FBLIM1: variants seen among roughly 807,000 people sequenced by gnomAD.
The protein encoded by FBLIM1 is filamin binding LIM protein 1, also known as filamin-binding LIM protein 1.
FBLIM1 carries 29 observed loss-of-function variants against 37.4 expected under a neutral mutation model. The ratio of observed to expected loss-of-function variants is 0.77; its 90% CI spans 0.58 to 1.06. The LOEUF (loss-of-function observed/expected upper bound fraction) is 1.06, where lower values mean the gene tolerates loss of function less well. Among genes scored for constraint, FBLIM1 ranks in the 50% least tolerant of loss-of-function variants. The probability of loss-of-function intolerance (pLI) is 0.00; values close to 1 mark genes in which losing one functional copy is unlikely to be tolerated. For missense variants in FBLIM1, 449 were observed against 505.6 expected (o/e 0.89, Z 1.07); for synonymous variants, 193 against 199.0 (o/e 0.97, Z 0.25).
rs768133106 is a variant in FBLIM1 at position 15,765,266 on chromosome 1, G to A, written c.250+33G>A. The A allele has an allele frequency of 8.9e-6, 14 of 1,578,770 alleles. No individual in the cohort carries two copies. The highest frequency in any genetic ancestry group is 5.4e-5 in the Admixed American group (3 of 55,686). On this transcript the variant is annotated intron_variant, in intron 3 of 8. Transcript: ENST00000375766. This position sits in a 1 kb window ranked among gnomAD's most constrained non-coding sequence, Gnocchi z 5.9. Reference sequence around the variant, plus strand: ...CTGAGGGGACTTTGGGGAAGACCACGTCAGAGGCAGAGGTGGGGAGGAAAG... The same window carrying A: ...CTGAGGGGACTTTGGGGAAGACCACATCAGAGGCAGAGGTGGGGAGGAAAG...
At chr1:15,782,923 G>A (rs1258352716) in intron 8 of FBLIM1, among the ~76,000 whole-genome samples, 1 of 151,356 alleles carries the variant, frequency 6.6e-6, no homozygotes, top group Non-Finnish European at 1.5e-5. Flanking sequence ...AGCCTCATGA[G>A]TAGCTGGGAT....
chr1:15,769,908 C>T (rs1207787478), intron 5 of FBLIM1, among the ~76,000 whole-genome samples: 1 of 151,982 alleles, frequency 6.6e-6, no homozygotes, highest in Non-Finnish European at 1.5e-5. Flanking sequence ...GCTGAGATTA[C>T]AGGTGTGAGC....
In FBLIM1 at chr1:15,765,216, T is replaced by C. The variant is rs779005368; in HGVS notation, c.233T>C (p.Met78Thr). 5.6e-6 allele frequency: 9 copies of C among 1,612,562 alleles called. No individual in the cohort carries two copies. The African/African-American group carries it at 8.0e-5, about 14-fold the overall frequency. The change falls in exon 3 of 9, where the codon ATG becomes ACG. Residue 78 changes from methionine to threonine, a missense_variant. Transcript: ENST00000375766. This position sits in a 1 kb window ranked among gnomAD's most constrained non-coding sequence, Gnocchi z 5.9. ...RAAATVPAAP[M>T]QLFNGGCPPP... Reference sequence around the variant, plus strand: ...GCAGCCACAGTGCCGGCTGCACCTATGCAGCTCTTCAATGGAGGTAAGAGC... The same window carrying C: ...GCAGCCACAGTGCCGGCTGCACCTACGCAGCTCTTCAATGGAGGTAAGAGC...
upstream of FBLIM1, among the ~76,000 whole-genome samples, chr1:15,757,025 AG>A (rs1370670519): frequency 1.1e-4 from 17 of 152,262 alleles, no homozygotes; most frequent in Admixed American, 6.5e-5. The surrounding 1 kb of genome is among the most constrained non-coding windows in gnomAD (Gnocchi z 4.1). Context: ...TCCTCCTTTG[AG>A]TCCTTCCCGT....
At chr1:15,780,528 T>C (rs1569872395) in intron 8 of FBLIM1, among the ~76,000 whole-genome samples, 2 of 152,316 alleles carry the variant, frequency 1.3e-5, no homozygotes, top group East Asian at 3.9e-4. Flanking sequence ...GGGCCCCACA[T>C]TTTTATTTTG....
rs777144833 is a variant in FBLIM1, at chr1:15,765,057, C to T, written c.74C>T (p.Ala25Val). ...CTGGCACCCCCGCGCCGCGATGTGG[C>T]CGTGGCGGAGGAAGTGAGGCAGGCA... Reference protein sequence around the residue: ...ITLAPPRRDVAVAEEVRQAVC... With the variant: ...ITLAPPRRDVVVAEEVRQAVC... Residue 25 changes from alanine (A) to valine (V), a missense_variant, in exon 3 of 9, where the codon GCC (alanine) becomes GTC (valine). Coordinates refer to ENST00000375766, the MANE Select transcript of FBLIM1 (RefSeq NM_017556.4). The surrounding 1 kb of genome is among the most constrained non-coding windows in gnomAD (Gnocchi z 5.9). The T allele has an allele frequency of 6.2e-7, 1 of 1,614,112 alleles. No homozygotes were observed. Among genetic ancestry groups the T allele is most frequent in the South Asian group, 1.1e-5 (1 of 91,070 alleles).
intron 1 of FBLIM1, among the ~76,000 whole-genome samples, chr1:15,763,907 G>A (rs2068797021): frequency 6.6e-6 from 1 of 152,084 alleles, no homozygotes; most frequent in South Asian, 2.1e-4. Context: ...CCAAAATGCT[G>A]GGATTACAGC....
At chr1:15,772,164 A>G (rs1467551971) in intron 6 of FBLIM1, among the ~76,000 whole-genome samples, 1 of 152,124 alleles carries the variant, frequency 6.6e-6, no homozygotes, top group African/African-American at 2.4e-5. Context: ...GTCTCAAGTG[A>G]TTCTCATGCA....
upstream of FBLIM1, among the ~76,000 whole-genome samples, chr1:15,757,064 TCTC>T (rs945849166): frequency 1.5e-4 from 23 of 152,084 alleles, no homozygotes; most frequent in Non-Finnish European, 3.2e-4. This position sits in a 1 kb window ranked among gnomAD's most constrained non-coding sequence, Gnocchi z 4.1. Context: ...TATGGGGAAG[TCTC>T]CTCCAAAGGG....
chr1:15,783,073 C>T (rs925338249), intron 8 of FBLIM1, among the ~76,000 whole-genome samples: 1 of 152,060 alleles, frequency 6.6e-6, no homozygotes, highest in South Asian at 2.1e-4. Flanking sequence ...GGCTTACAGG[C>T]GTGAGCCACT....
rs1409290351 is a variant in FBLIM1, at chr1:15,777,275, C to G, written c.996C>G (p.Cys332Trp). 6.2e-7 allele frequency: 1 copy of G among 1,612,430 alleles called. No homozygotes were observed. The highest frequency in any genetic ancestry group is 1.7e-5 in the Admixed American group (1 of 59,940). ...ECMGRNFHEN[C>W]YRCEDCRILL... ...TGGGAAGAAACTTCCATGAAAATTG[C>G]TACAGGTGTGAGGTGAGTGGAGCCT... The change falls in exon 8 of 9, where the codon TGC (cysteine) becomes TGG (tryptophan). Residue 332 changes from cysteine to tryptophan, a missense_variant. Coordinates refer to ENST00000375766, the MANE Select transcript of FBLIM1 (RefSeq NM_017556.4).
chr1:15,763,576 C>A (rs575116264), intron 1 of FBLIM1, among the ~76,000 whole-genome samples: 1 of 149,946 alleles, frequency 6.7e-6, no homozygotes, highest in Non-Finnish European at 1.5e-5. Context: ...GTGGAGCTTG[C>A]AGTGAGCCAA....
chr1:15,780,689 G>C (rs1336919568), intron 8 of FBLIM1, among the ~76,000 whole-genome samples: 1 of 152,110 alleles, frequency 6.6e-6, no homozygotes, highest in Non-Finnish European at 1.5e-5. Flanking sequence ...GACCTAAGTG[G>C]AGAGCCCCAG....
chr1:15,766,018 C>T (rs1251897318), intron 3 of FBLIM1, among the ~76,000 whole-genome samples: 4 of 152,216 alleles, frequency 2.6e-5, no homozygotes, highest in Non-Finnish European at 5.9e-5. Flanking sequence ...CCAACACAGT[C>T]ACTGGGTCCA....
chr1:15,770,715 G>A (rs1313523780), intron 6 of FBLIM1, 137 bp downstream of exon 6: 1 of 1,090,200 alleles, frequency 9.2e-7, no homozygotes, highest in Non-Finnish European at 1.3e-6. Flanking sequence ...CTGAGGCTCA[G>A]AAAGAAGGAG....
At chr1:15,763,488 T>C (rs1345755142) in intron 1 of FBLIM1, among the ~76,000 whole-genome samples, 1 of 150,044 alleles carries the variant, frequency 6.7e-6, no homozygotes, top group African/African-American at 2.4e-5. Flanking sequence ...AAAACAAAAT[T>C]AGCCGGGCGT....
At chr1:15,770,978 C>T (rs897126502) in intron 6 of FBLIM1, among the ~76,000 whole-genome samples, 3 of 152,016 alleles carry the variant, frequency 2.0e-5, no homozygotes, top group Admixed American at 6.6e-5. Flanking sequence ...CTCACTCTAT[C>T]GCCCAGGCTG....
intron 7 of FBLIM1, among the ~76,000 whole-genome samples, chr1:15,775,415 G>A (rs566361306): frequency 3.3e-5 from 5 of 151,306 alleles, no homozygotes; most frequent in African/African-American, 7.3e-5. Context: ...TGTGCCTGTA[G>A]TCCCAGCTAC....
chr1:15,784,485 C>T, intron 8 of FBLIM1, 63 bp from the exon 9 acceptor site: 1 of 1,352,334 alleles, frequency 7.4e-7, no homozygotes, highest in Non-Finnish European at 1.0e-6. Context: ...CCAAGTGAGT[C>T]CCTCCCCTGT....
Sources: allele counts gnomAD v4.1 joint callset (sites outside exome capture counted in the v4.1 genomes callset), GRCh38; gene constraint gnomAD v4.1.1; non-coding constraint Gnocchi (gnomAD v3.1); transcripts MANE v1.5; gene names NCBI Gene and HGNC (gene_info 2026-07-23, HGNC 2026-07-21).